OPN3: variants seen among roughly 807,000 people sequenced by gnomAD.
OPN3 encodes opsin 3.
OPN3 carries 29 observed loss-of-function variants against 33.8 expected under a neutral mutation model. The ratio of observed to expected loss-of-function variants is 0.86; its 90% CI spans 0.64 to 1.17. The LOEUF is 1.17. Among genes scored for constraint, OPN3 ranks in the 50% most tolerant of loss-of-function variants. The probability of loss-of-function intolerance (pLI) is 0.00; values close to 1 mark genes in which losing one functional copy is unlikely to be tolerated. For synonymous variants in OPN3, 216 were observed against 216.1 expected (o/e 1.00, Z 0.00); for missense variants, 437 against 514.1 (o/e 0.85, Z 1.45).
At chr1:241,616,517 A>C (rs1236433787) in intron 1 of OPN3, among the ~76,000 whole-genome samples, 6 of 152,138 alleles carry the variant, frequency 3.9e-5, no homozygotes, top group Non-Finnish European at 7.4e-5. Flanking sequence ...CTGTGTACTT[A>C]TGTCTTACCT....
intron 1 of OPN3, among the ~76,000 whole-genome samples, chr1:241,614,734 A>G (rs1664076846): frequency 6.6e-6 from 1 of 151,598 alleles, no homozygotes; most frequent in Non-Finnish European, 1.5e-5. Flanking sequence ...TTTTCTGCCT[A>G]CAGTCCCATT....
intron 1 of OPN3, chr1:241,630,201 T>C (rs143529414): frequency 6.6e-6 from 1 of 152,168 alleles, no homozygotes; most frequent in East Asian, 1.9e-4. Flanking sequence ...TGGTAAGTAG[T>C]GAAATGAGAA....
intron 2 of OPN3, among the ~76,000 whole-genome samples, chr1:241,603,040 G>T (rs529878923): frequency 6.6e-6 from 1 of 152,230 alleles, no homozygotes; most frequent in Admixed American, 6.5e-5. Flanking sequence ...AAACAAAATA[G>T]CCTGGTAATA....
Position 241,640,191 on chromosome 1 carries a change from C to G in OPN3, c.64G>C (p.Glu22Gln), listed in dbSNP as rs1205269058. 1 of 1,380,910 alleles carries G rather than the reference C, an allele frequency of 7.2e-7. No homozygotes were observed. Among genetic ancestry groups the G allele is most frequent in the African/African-American group, 1.5e-5 (1 of 65,586 alleles). 85.5% of individuals were successfully genotyped at this position (1,380,910 alleles called of 1,614,324 possible). Residue 22 changes from glutamate (E) to glutamine (Q), a missense_variant, in exon 1 of 4, where the codon GAG (glutamate) becomes CAG (glutamine). Coordinates refer to ENST00000366554, the MANE Select transcript of OPN3 (RefSeq NM_014322.3). ...AGTGTCCCCGCCGGCGCCGGCCCCT[C>G]AGCGCCCGCGGCCCCGCCGCCGTCC... ...YWDGGGAAGA[E>Q]GPAPAGTLSP...
chr1:241,635,783 G>A (rs140161557), intron 1 of OPN3: 160 of 1,597,970 alleles, frequency 1.0e-4, no homozygotes, highest in Middle Eastern at 3.4e-4. Context: ...AAGTAACAGC[G>A]TCTGGTGACA....
chr1:241,636,130 T>C, intron 1 of OPN3: 1 of 414,210 alleles, frequency 2.4e-6, no homozygotes, highest in Middle Eastern at 6.2e-4. Flanking sequence ...AGAAAAATAA[T>C]TTCATGCAAC....
At chr1:241,620,961 A>T (rs1664257540) in intron 1 of OPN3, among the ~76,000 whole-genome samples, 1 of 152,070 alleles carries the variant, frequency 6.6e-6, no homozygotes, top group African/African-American at 2.4e-5. Flanking sequence ...CAGGAAATGG[A>T]CCTCCATCAA....
At chr1:241,639,663 G>A (rs954797016) in intron 1 of OPN3, among the ~76,000 whole-genome samples, 7 of 151,782 alleles carry the variant, frequency 4.6e-5, no homozygotes, top group Non-Finnish European at 1.0e-4. Flanking sequence ...GGACAGCGTG[G>A]GGCGGGAGGG....
chr1:241,595,154 T>C (rs1663462900), intron 3 of OPN3: 1 of 151,770 alleles, frequency 6.6e-6, no homozygotes, highest in South Asian at 2.1e-4. Flanking sequence ...AGGTGAAGAA[T>C]TTTTTTTTTC....
intron 1 of OPN3, among the ~76,000 whole-genome samples, chr1:241,617,499 A>G (rs1664164333): frequency 1.3e-5 from 2 of 152,226 alleles, no homozygotes; most frequent in African/African-American, 4.8e-5. Context: ...ACTGAATTAA[A>G]TCTTCATTCC....
intron 1 of OPN3, among the ~76,000 whole-genome samples, chr1:241,607,560 GAAGAAAGAAAGAAAGAA>G (rs1171025256): frequency 1.2e-4 from 11 of 88,156 alleles, no homozygotes; most frequent in East Asian, 4.6e-4. Flanking sequence ...AGGAAGGAAG[GAAGAAAGAAAGAAAGAA>G]AAGAAAGAAA....
At position 241,594,647 on chromosome 1, in the gene OPN3, C is replaced by T. The variant is rs1558435846; in HGVS notation, c.990G>A (p.Arg330=). Residue 330 remains arginine, a synonymous_variant, in exon 4 of 4, where the codon AGG becomes AGA. Coordinates refer to ENST00000366554, the MANE Select transcript of OPN3 (RefSeq NM_014322.3). ...LLQLLCLRLL[R]CQRPAKDLPA... ...GTAGGTCTTTAGCAGGCCTCTGGCA[C>T]CTCAGCAGTCGGAGGCACAGAAGCT... is the stretch of plus-strand genomic sequence containing the variant. The T allele has an allele frequency of 6.2e-7, 1 of 1,614,034 alleles. No homozygotes were observed. Among genetic ancestry groups the T allele is most frequent in the East Asian group, 2.2e-5 (1 of 44,870 alleles).
At chr1:241,613,679 C>A (rs760394228) in intron 1 of OPN3, among the ~76,000 whole-genome samples, 1 of 152,060 alleles carries the variant, frequency 6.6e-6, no homozygotes, top group African/African-American at 2.4e-5. Flanking sequence ...TTCCATTTGA[C>A]CAATAAAAGC....
chr1:241,635,736 C>T (rs772389728), intron 1 of OPN3: 2 of 1,612,156 alleles, frequency 1.2e-6, no homozygotes, highest in South Asian at 2.2e-5. Context: ...ATTATAACCA[C>T]ATCAAACTCT....
intron 1 of OPN3, among the ~76,000 whole-genome samples, chr1:241,608,461 ACAAAT>A (rs1663897650): frequency 6.6e-6 from 1 of 152,240 alleles, no homozygotes; most frequent in Non-Finnish European, 1.5e-5. Flanking sequence ...CAATAAAAAA[ACAAAT>A]CAAACAAGCA....
chr1:241,613,848 T>C (rs563436773), intron 1 of OPN3, among the ~76,000 whole-genome samples: 1 of 152,292 alleles, frequency 6.6e-6, no homozygotes, highest in East Asian at 1.9e-4. Context: ...AACATCAAAA[T>C]TAAAACCCTT....
At chr1:241,619,963 A>G (rs568013516) in intron 1 of OPN3, among the ~76,000 whole-genome samples, 24 of 152,280 alleles carry the variant, frequency 1.6e-4, no homozygotes, top group African/African-American at 5.8e-4. Context: ...AAAGGGGAAA[A>G]CGCAATATGA....
Position 241,634,327 on chromosome 1 carries a change from A to G in OPN3, c.373+5555T>C, listed in dbSNP as rs145348026. Reference sequence around the variant, plus strand: ...CAGCACAAGCTCCTGGCTCTGCTGGAGGAACTATCAGAATGGAAGTCTGCT... The same window carrying G: ...CAGCACAAGCTCCTGGCTCTGCTGGGGGAACTATCAGAATGGAAGTCTGCT... On this transcript the variant is annotated intron_variant, in intron 1 of 3. Transcript: ENST00000366554. 4.4e-4 allele frequency: 710 copies of G among 1,613,984 alleles called. 4 individuals carry two copies. Among genetic ancestry groups the G allele is most frequent in the Non-Finnish European group, 8.0e-5 (94 of 1,179,904 alleles).
intron 3 of OPN3, among the ~76,000 whole-genome samples, chr1:241,596,700 T>C (rs1240097122): frequency 6.6e-6 from 1 of 152,238 alleles, no homozygotes; most frequent in Non-Finnish European, 1.5e-5. Flanking sequence ...TTAAGCATTA[T>C]CTTTAACTTT....
Sources: gnomAD v4.1 joint callset for allele counts (sites outside exome capture counted in the v4.1 genomes callset) on GRCh38, gnomAD v4.1.1 for gene constraint, MANE v1.5 for transcripts, NCBI Gene and HGNC (gene_info 2026-07-23, HGNC 2026-07-21) for gene names.